RPL14: variants seen among roughly 807,000 people sequenced by gnomAD.
RPL14 encodes ribosomal protein L14.
Under a neutral mutation model 25.3 loss-of-function variants are expected in RPL14, and 4 were observed. The observed-to-expected ratio is 0.16, with a 90% CI of 0.08 to 0.36. The LOEUF (loss-of-function observed/expected upper bound fraction) is 0.36, where lower values mean the gene tolerates loss of function less well. Among genes scored for constraint, RPL14 ranks in the 10% least tolerant of loss-of-function variants. The pLI is 1.00. For synonymous variants in RPL14, 75 were observed against 89.8 expected (o/e 0.84, Z 0.93); for missense variants, 212 against 261.9 (o/e 0.81, Z 1.31).
In RPL14 at chr3:40,465,845, AC is replaced by A. The variant is rs1697020247; in HGVS notation, c.*3614del. The A allele has an allele frequency of 6.6e-6, 1 of 152,202 alleles. No homozygotes were observed. Among genetic ancestry groups the A allele is most frequent in the African/African-American group, 2.4e-5 (1 of 41,446 alleles). 9.4% of individuals were successfully genotyped at this position (152,202 alleles called of 1,614,324 possible). A position where few individuals can be genotyped will look rare whatever the true frequency, so the allele number is the denominator to read the frequency against. On this transcript the variant is annotated 3_prime_UTR_variant, in exon 6 of 6. Transcript: ENST00000396203. ...ATCTCTAGGAAAGTAACTGAGGCAT[AC>A]GATGCCTGAAAAGGAGTAGAAAATA... is the stretch of plus-strand genomic sequence containing the variant.
chr3:40,458,223 GGTTA>G (rs2125624367), intron 2 of RPL14: 1 of 575,060 alleles, frequency 1.7e-6, no homozygotes, highest in East Asian at 2.8e-5. Flanking sequence ...CTGAAACGTT[GGTTA>G]GTTTTAAATG....
rs1000847876 is a variant in RPL14, at chr3:40,468,460, C to T, written c.*6228C>T. 4 of 152,044 alleles carry T rather than the reference C, an allele frequency of 2.6e-5. No homozygotes were observed. Among genetic ancestry groups the T allele is most frequent in the East Asian group, 1.9e-4 (1 of 5,194 alleles). The allele number at this position is 152,044 out of a possible 1,614,324, so 9.4% of individuals were successfully genotyped here. On this transcript the variant is annotated 3_prime_UTR_variant, in exon 6 of 6. Transcript: ENST00000396203. ...CTGGTCCAATAGTGCACTAAATGCC[C>T]GAGTTCTGTATTTATTCTATTTGGA...
At position 40,458,493 on chromosome 3, in the gene RPL14, A is replaced by G. The variant is rs1696879244; in HGVS notation, c.106-149A>G. On this transcript the variant is annotated intron_variant, in intron 2 of 5. Transcript: ENST00000396203. ...AAAGACATACATATATATAACCCAG[A>G]TAGGACAATCCTTGTCTTTTCTGAG... The G allele has an allele frequency of 1.4e-5, 9 of 633,624 alleles. No homozygotes were observed. The South Asian group carries it at 1.7e-4, about 12-fold the overall frequency. The allele number at this position is 633,624 out of a possible 1,614,324, so 39.3% of individuals were successfully genotyped here.
rs926438921 is a variant in RPL14, at chr3:40,466,365, C to G, written c.*4133C>G. On this transcript the variant is annotated 3_prime_UTR_variant, in exon 6 of 6. Transcript: ENST00000396203. ...CTTGTTCAGTCACCCTCATTGGAGA[C>G]GGGGGATGGCATACGAAAAGAATGC... 6.6e-6 allele frequency: 1 copy of G among 151,174 alleles called. No individual in the cohort carries two copies. The highest frequency in any genetic ancestry group is 1.5e-5 in the Non-Finnish European group (1 of 67,842). 9.4% of individuals were successfully genotyped at this position (151,174 alleles called of 1,614,324 possible). A position where few individuals can be genotyped will look rare whatever the true frequency, so the allele number is the denominator to read the frequency against.
intron 3 of RPL14, 165 bp downstream of exon 3, chr3:40,458,901 CGT>C: frequency 1.6e-6 from 1 of 620,308 alleles, no homozygotes; most frequent in Non-Finnish European, 2.9e-6. Context: ...CTTGCCTGCG[CGT>C]GATAGCTCAT....
In RPL14 at chr3:40,462,539, G is replaced by C. The variant is rs1320468752; in HGVS notation, c.*307G>C. 4.7e-6 allele frequency: 1 copy of C among 212,760 alleles called. No individual in the cohort carries two copies. Among genetic ancestry groups the C allele is most frequent in the Non-Finnish European group, 9.3e-6 (1 of 107,402 alleles). The allele number at this position is 212,760 out of a possible 1,614,324, so 13.2% of individuals were successfully genotyped here. ...CTACAGGTGCCCGCCACCGCGCCTG[G>C]CTAATTTTTTGTATTTTTAGTAGAG... On this transcript the variant is annotated 3_prime_UTR_variant, in exon 6 of 6. Coordinates refer to ENST00000396203, the MANE Select transcript of RPL14 (RefSeq NM_001034996.3).
At chr3:40,457,750 T>C in intron 1 of RPL14, 140 bp from the exon 2 acceptor site, 1 of 812,596 alleles carries the variant, frequency 1.2e-6, no homozygotes, top group Non-Finnish European at 2.0e-6. Context: ...CCATCCAGGT[T>C]GGCGCCTGGC....
rs1009830262 is a variant in RPL14 at position 40,466,588 on chromosome 3, C to G, written c.*4356C>G. ...TAAATTCTGTCATTCAGCCCAAACTCATTACTTTATGTTACTTATGGGAAC... is the reference window on the plus strand; with the variant it reads ...TAAATTCTGTCATTCAGCCCAAACTGATTACTTTATGTTACTTATGGGAAC... On this transcript the variant is annotated 3_prime_UTR_variant, in exon 6 of 6. Coordinates refer to ENST00000396203, the MANE Select transcript of RPL14 (RefSeq NM_001034996.3). 3.3e-5 allele frequency: 5 copies of G among 151,420 alleles called. No homozygotes were observed. The highest frequency in any genetic ancestry group is 7.4e-5 in the Non-Finnish European group (5 of 67,916). 9.4% of individuals were successfully genotyped at this position (151,420 alleles called of 1,614,324 possible). A position where few individuals can be genotyped will look rare whatever the true frequency, so the allele number is the denominator to read the frequency against.
At chr3:40,461,894 T>C (rs776665335) in intron 5 of RPL14, 45 bp from the exon 6 acceptor site, 43 of 1,547,080 alleles carry the variant, frequency 2.8e-5, no homozygotes, top group Non-Finnish European at 3.6e-5. Flanking sequence ...TGGATTTTAT[T>C]GTATGTATAC....
At chr3:40,459,395 T>A (rs901510860) in intron 3 of RPL14, among the ~76,000 whole-genome samples, 4 of 152,226 alleles carry the variant, frequency 2.6e-5, no homozygotes, top group African/African-American at 9.6e-5. Context: ...GTATTTAATA[T>A]AAGAGGTTTT....
rs1173641275 is a variant in RPL14, at chr3:40,461,768, AAGG to A, written c.354+110_354+112del. On this transcript the variant is annotated intron_variant, in intron 5 of 5. Coordinates refer to ENST00000396203, the MANE Select transcript of RPL14 (RefSeq NM_001034996.3). ...AGCTTCTTGGAAGCTTTCTGTAAAA[AAGG>A]AGAATTTATCTTCATTTGTATTTCA... 7 of 1,332,270 alleles carry A rather than the reference AAGG, an allele frequency of 5.3e-6. No homozygotes were observed. The Admixed American group carries it at 7.9e-5, about 15-fold the overall frequency. 82.5% of individuals were successfully genotyped at this position (1,332,270 alleles called of 1,614,324 possible). A position where few individuals can be genotyped will look rare whatever the true frequency, so the allele number is the denominator to read the frequency against.
Position 40,466,885 on chromosome 3 carries a change from C to A in RPL14, c.*4653C>A, listed in dbSNP as rs1231685462. On this transcript the variant is annotated 3_prime_UTR_variant, in exon 6 of 6. Transcript: ENST00000396203. Reference sequence around the variant, plus strand: ...TCCTCTAATTCATATTTTCCCCCCTCATCTGTTGGGTGAAATACTGTTTAT... The same window carrying A: ...TCCTCTAATTCATATTTTCCCCCCTAATCTGTTGGGTGAAATACTGTTTAT... 2.6e-5 allele frequency: 4 copies of A among 152,132 alleles called. No individual in the cohort carries two copies. The highest frequency in any genetic ancestry group is 5.9e-5 in the Non-Finnish European group (4 of 68,022). The allele number at this position is 152,132 out of a possible 1,614,324, so 9.4% of individuals were successfully genotyped here.
Position 40,464,658 on chromosome 3 carries a change from C to T in RPL14, c.*2426C>T, listed in dbSNP as rs1256100866. The T allele has an allele frequency of 1.3e-5, 5 of 372,886 alleles. No individual in the cohort carries two copies. The highest frequency in any genetic ancestry group is 2.7e-5 in the Non-Finnish European group (5 of 184,024). The allele number at this position is 372,886 out of a possible 1,614,324, so 23.1% of individuals were successfully genotyped here. A position where few individuals can be genotyped will look rare whatever the true frequency, so the allele number is the denominator to read the frequency against. On this transcript the variant is annotated 3_prime_UTR_variant, in exon 6 of 6. Transcript: ENST00000396203. ...GATCATTGAACTGTTAAGACTGAAT[C>T]TTATGGGATCAAGACTGGGAATGCT...
Position 40,457,477 on chromosome 3 carries a change from G to C in RPL14, c.3+3G>C. The C allele has an allele frequency of 5.1e-6, 8 of 1,556,188 alleles. No individual in the cohort carries two copies. The highest frequency in any genetic ancestry group is 7.0e-6 in the Non-Finnish European group (8 of 1,148,614). On this transcript the variant is annotated splice_donor_region_variant and intron_variant, in intron 1 of 5. Transcript: ENST00000396203. Reference sequence around the variant, plus strand: ...CAGAGGGTCCCGGGAAGCGCATGGTGAGGGTCCCCGGGCCGGCTGTGCAGC... The same window carrying C: ...CAGAGGGTCCCGGGAAGCGCATGGTCAGGGTCCCCGGGCCGGCTGTGCAGC...
intron 1 of RPL14, 149 bp from the exon 2 acceptor site, chr3:40,457,741 C>T (rs937872884): frequency 5.3e-6 from 4 of 759,656 alleles, no homozygotes; most frequent in African/African-American, 1.8e-5. Flanking sequence ...TGATTTCGTC[C>T]ATCCAGGTTG....
At chr3:40,459,917 G>A (rs1387995843) in intron 3 of RPL14, among the ~76,000 whole-genome samples, 8 of 150,422 alleles carry the variant, frequency 5.3e-5, no homozygotes, top group African/African-American at 1.2e-4. Flanking sequence ...ACTGTGGGAC[G>A]TGTATTAACA....
Position 40,468,165 on chromosome 3 carries a change from TC to T in RPL14, c.*5935del, listed in dbSNP as rs1165249727. 6.6e-6 allele frequency: 1 copy of T among 152,200 alleles called. No individual in the cohort carries two copies. Among genetic ancestry groups the T allele is most frequent in the African/African-American group, 2.4e-5 (1 of 41,444 alleles). 9.4% of individuals were successfully genotyped at this position (152,200 alleles called of 1,614,324 possible). ...CCTCTTTTTCTATTTAAACAGTGCT[TC>T]CGTGAATGTCCTTGTGTACACCTCC... On this transcript the variant is annotated 3_prime_UTR_variant, in exon 6 of 6. Transcript: ENST00000396203.
At chr3:40,459,858 C>CAAAAAAAAAAAAAAA (rs10682822) in intron 3 of RPL14, among the ~76,000 whole-genome samples, 3 of 90,976 alleles carry the variant, frequency 3.3e-5, no homozygotes, top group African/African-American at 1.4e-4. Context: ...GACTCCGTTT[C>CAAAAAAAAAAAAAAA]AAAAAAAAAA....
In RPL14 at chr3:40,462,414, T is replaced by A; in HGVS notation, c.*182T>A. The A allele has an allele frequency of 1.6e-6, 1 of 637,614 alleles. No homozygotes were observed. The highest frequency in any genetic ancestry group is 2.5e-6 in the Non-Finnish European group (1 of 405,502). The allele number at this position is 637,614 out of a possible 1,614,324, so 39.5% of individuals were successfully genotyped here. ...TTTTTTGAGATGGAGTCTCGTTCTG[T>A]TGCTCAGGCCGGACTGCAGTGGCGC... On this transcript the variant is annotated 3_prime_UTR_variant, in exon 6 of 6. Transcript: ENST00000396203.
Sources: gnomAD v4.1 joint callset for allele counts (sites outside exome capture counted in the v4.1 genomes callset) on GRCh38, gnomAD v4.1.1 for gene constraint, MANE v1.5 for transcripts, NCBI Gene and HGNC (gene_info 2026-07-23, HGNC 2026-07-21) for gene names.